The following GPR119 variants were observed in gnomAD, a reference collection of about 807,000 sequenced individuals.
GPR119 encodes glucose-dependent insulinotropic receptor.
A neutral mutation model predicts 13.3 loss-of-function variants in GPR119; 7 were observed. That is an observed-to-expected ratio of 0.53 (90% confidence interval 0.30 to 0.99). GPR119 has a LOEUF of 0.99. Ranked by LOEUF, GPR119 falls within the 50% of genes least tolerant of loss-of-function variation. The pLI is 0.06. For missense variants in GPR119, 197 were observed against 263.0 expected, an observed-to-expected ratio of 0.75 and a Z score of 1.74; for synonymous variants, 107 against 112.5, an observed-to-expected ratio of 0.95 and a Z score of 0.31.
Position 130,384,935 on chromosome X carries a change from G to A in GPR119, c.513C>T (p.Cys171=), listed in dbSNP as rs1167919969. The A allele has an allele frequency of 8.3e-7, 1 of 1,210,547 alleles. No individual in the cohort carries two copies. Among genetic ancestry groups the A allele is most frequent in the Non-Finnish European group, 1.1e-6 (1 of 895,359 alleles). ...GGAGCATGGCTGGGAAGAAGCCAAC[G>A]CAGGAGAGGGTCAGCACGAAGTGAG... ...FHPHFVLTLS[C]VGFFPAMLLF... The change falls in exon 1 of 2, where the codon TGC becomes TGT. Residue 171 remains cysteine (C), a synonymous_variant. Transcript: ENST00000682440.
chrX:130,384,436 C>T lies in GPR119; in HGVS notation c.*4G>A, dbSNP rs766863165. On this transcript the variant is annotated splice_region_variant and 3_prime_UTR_variant, in exon 1 of 2. Transcript: ENST00000682440. ...CACTTTGAAACTTCTCTGCCCTTAC[C>T]GTCTTAGCCATCAAACTCTGAGCTG... 1.0e-5 allele frequency: 12 copies of T among 1,203,753 alleles called. No homozygotes were observed. Among genetic ancestry groups the T allele is most frequent in the Admixed American group, 2.2e-5 (1 of 45,422 alleles).
At chrX:130,382,984 C>T (rs1373463528) in intron 1 of GPR119, among the ~76,000 whole-genome samples, 1 of 111,547 alleles carries the variant, frequency 9.0e-6, no homozygotes, top group Non-Finnish European at 1.9e-5. Flanking sequence ...GTACCTAATT[C>T]AGTACCAAAT....
chrX:130,384,966 A>G lies in GPR119; in HGVS notation c.482T>C (p.Phe161Ser), dbSNP rs1273670254. The stretch of plus-strand genomic sequence containing the variant: ...GAGGGTCAGCACGAAGTGAGGGTGA[A>G]ATACAGCAAAGAAGCTGCACTGCCC... ...YKGQCSFFAV[F>S]HPHFVLTLSC... The change falls in exon 1 of 2, where the codon TTT becomes TCT. Residue 161 changes from phenylalanine to serine, a missense_variant. Transcript: ENST00000682440. 1.7e-6 allele frequency: 2 copies of G among 1,210,518 alleles called. No homozygotes were observed. Among genetic ancestry groups the G allele is most frequent in the Non-Finnish European group, 1.1e-6 (1 of 895,357 alleles).
Position 130,385,064 on chromosome X carries a change from C to T in GPR119, c.384G>A (p.Gly128=), listed in dbSNP as rs1172843320. The change falls in exon 1 of 2, where the codon GGG becomes GGA. Residue 128 remains glycine, a synonymous_variant. Coordinates refer to ENST00000682440, the MANE Select transcript of GPR119 (RefSeq NM_178471.3). ...CAATGAGGTAAGACACTAACCACAG[C>T]CCGGCAATGCAGGCCCCGGCCACGA... is the stretch of plus-strand genomic sequence containing the variant. ...SGFVAGACIA[G]LWLVSYLIGF... The T allele has an allele frequency of 8.3e-7, 1 of 1,210,561 alleles. No homozygotes were observed. The highest frequency in any genetic ancestry group is 3.0e-5 in the East Asian group (1 of 33,783).
rs1157619387 is a variant in GPR119, at chrX:130,381,120, AAC to A, written c.*1434_*1435del. Among the ~76,000 whole-genome samples, 19 of 102,957 alleles carry A rather than the reference AAC, an allele frequency of 1.8e-4. No homozygotes were observed. The highest frequency in any genetic ancestry group is 6.1e-4 in the African/African-American group (17 of 27,960). The allele number at this position is 102,957 out of a possible 115,157, so 89.4% of individuals were successfully genotyped here. Reference sequence around the variant, plus strand: ...TAGCTCTGCTCTTGGTGGCTTATTAAACACAGTGTTGTTGCTGTTTTTTTTTT... The same window carrying A: ...TAGCTCTGCTCTTGGTGGCTTATTAAACAGTGTTGTTGCTGTTTTTTTTTT... On this transcript the variant is annotated 3_prime_UTR_variant, in exon 2 of 2. Coordinates refer to ENST00000682440, the MANE Select transcript of GPR119 (RefSeq NM_178471.3).
In GPR119 at chrX:130,381,583, C is replaced by T. The variant is rs1031608718; in HGVS notation, c.*973G>A. On this transcript the variant is annotated 3_prime_UTR_variant, in exon 2 of 2. Coordinates refer to ENST00000682440, the MANE Select transcript of GPR119 (RefSeq NM_178471.3). ...GTTTGTCTTTTTCAACCTGAATCACCTCTCATCACTCATTTTTAAAAATCT... is the reference window on the plus strand; with the variant it reads ...GTTTGTCTTTTTCAACCTGAATCACTTCTCATCACTCATTTTTAAAAATCT... Among the ~76,000 whole-genome samples, 2 of 111,903 alleles carry T rather than the reference C, an allele frequency of 1.8e-5. No individual in the cohort carries two copies. Among genetic ancestry groups the T allele is most frequent in the Non-Finnish European group, 3.8e-5 (2 of 53,205 alleles).
In GPR119 at chrX:130,384,829, C is replaced by CCT. The variant is rs1467302667; in HGVS notation, c.618_619insAG (p.Ala207ArgfsTer53). ...GGGGATCGATAACCTCCAGCCATGG[C>CCT]TCCTGCATGTTCCATCTTTCGAATC... On this transcript the variant is annotated frameshift_variant, in exon 1 of 2. Coordinates refer to ENST00000682440, the MANE Select transcript of GPR119 (RefSeq NM_178471.3). LOFTEE classifies it high-confidence loss of function. 5 of 1,210,586 alleles carry CCT rather than the reference C, an allele frequency of 4.1e-6. No homozygotes were observed. In the Admixed American group the frequency reaches 1.1e-4, roughly 26 times the overall value.
rs962812355 is a variant in GPR119 at position 130,379,682 on chromosome X, C to T, written c.*2874G>A. Reference sequence around the variant, plus strand: ...TTACAAGTTGTGTTTTTGAAAAAGACGACATAGGAAAATATACACAATATA... The same window carrying T: ...TTACAAGTTGTGTTTTTGAAAAAGATGACATAGGAAAATATACACAATATA... On this transcript the variant is annotated 3_prime_UTR_variant, in exon 2 of 2. Coordinates refer to ENST00000682440, the MANE Select transcript of GPR119 (RefSeq NM_178471.3). Among the ~76,000 whole-genome samples, 10 of 110,994 alleles carry T rather than the reference C, an allele frequency of 9.0e-5. No homozygotes were observed. The highest frequency in any genetic ancestry group is 8.4e-4 in the East Asian group (3 of 3,554).
At position 130,384,566 on chromosome X, in the gene GPR119, G is replaced by T. The variant is rs773527154; in HGVS notation, c.882C>A (p.Ala294=). The change falls in exon 1 of 2, where the codon GCC becomes GCA. Residue 294 remains alanine (A), a synonymous_variant. Transcript: ENST00000682440. ...KEVRLQLYHM[A]LGVKKVLTSF... Reference sequence around the variant, plus strand: ...AGGTGAGCACCTTCTTCACTCCTAGGGCCATGTGGTAGAGCTGCAGTCGCA... The same window carrying T: ...AGGTGAGCACCTTCTTCACTCCTAGTGCCATGTGGTAGAGCTGCAGTCGCA... 2.5e-6 allele frequency: 3 copies of T among 1,211,930 alleles called. No homozygotes were observed. The East Asian group carries it at 8.9e-5, about 36-fold the overall frequency.
In GPR119 at chrX:130,380,860, C is replaced by G. The variant is rs2034355246; in HGVS notation, c.*1696G>C. Reference sequence around the variant, plus strand: ...TTAAAACAAAAACACCACAAATTCACAGTAAGCTGTTCATGGAAATAATAA... The same window carrying G: ...TTAAAACAAAAACACCACAAATTCAGAGTAAGCTGTTCATGGAAATAATAA... On this transcript the variant is annotated 3_prime_UTR_variant, in exon 2 of 2. Transcript: ENST00000682440. 8.9e-6 allele frequency among the ~76,000 whole-genome samples: 1 copy of G among 112,035 alleles called. No individual in the cohort carries two copies. Among genetic ancestry groups the G allele is most frequent in the Admixed American group, 9.4e-5 (1 of 10,590 alleles).
At position 130,385,283 on chromosome X, in the gene GPR119, A is replaced by G. The variant is rs772328033; in HGVS notation, c.165T>C (p.Gly55=). 2.5e-6 allele frequency: 3 copies of G among 1,212,016 alleles called. No homozygotes were observed. Among genetic ancestry groups the G allele is most frequent in the Non-Finnish European group, 1.1e-6 (1 of 895,388 alleles). ...LNLAVADTLI[G]VAISGLLTDQ... is the part of the protein sequence containing the mutation. ...CTGTGAGTAGGCCAGAGATGGCCAC[A>G]CCAATCAAGGTGTCAGCCACAGCCA... The change falls in exon 1 of 2, where the codon GGT becomes GGC. Residue 55 remains glycine, a synonymous_variant. Coordinates refer to ENST00000682440, the MANE Select transcript of GPR119 (RefSeq NM_178471.3).
In GPR119 at chrX:130,384,994, T is replaced by C. The variant is rs761949420; in HGVS notation, c.454A>G (p.Lys152Glu). The C allele has an allele frequency of 8.3e-7, 1 of 1,211,082 alleles. No homozygotes were observed. Among genetic ancestry groups the C allele is most frequent in the Non-Finnish European group, 1.1e-6 (1 of 894,766 alleles). ...ACAGCAAAGAAGCTGCACTGCCCTT[T>C]GTAGGCAGTCTGCTGGAACATGGGG... The part of the protein sequence containing the change: ...GIPMFQQTAY[K>E]GQCSFFAVFH... Residue 152 changes from lysine (K) to glutamate (E), a missense_variant, in exon 1 of 2, where the codon AAA becomes GAA. Lys to Glu is a moderately conservative substitution (Grantham distance 56). Transcript: ENST00000682440.
In GPR119 at chrX:130,384,740, T is replaced by C. The variant is rs2034375131; in HGVS notation, c.708A>G (p.Leu236=). Residue 236 remains leucine, a synonymous_variant, in exon 1 of 2, where the codon CTA becomes CTG. Transcript: ENST00000682440. ...TVSVLIGSFA[L]SWTPFLITGI... ...CAGTGATAAGGAAGGGGGTCCAGGATAGAGCAAAGCTCCCAATGAGAACAG... is the reference window on the plus strand; with the variant it reads ...CAGTGATAAGGAAGGGGGTCCAGGACAGAGCAAAGCTCCCAATGAGAACAG... 1.7e-6 allele frequency: 2 copies of C among 1,211,543 alleles called. No individual in the cohort carries two copies. The highest frequency in any genetic ancestry group is 1.1e-6 in the Non-Finnish European group (1 of 895,441).
rs961708556 is a variant in GPR119, at chrX:130,385,593, T to C, written c.-146A>G. On this transcript the variant is annotated 5_prime_UTR_variant, in exon 1 of 2. Transcript: ENST00000682440. Reference sequence around the variant, plus strand: ...CAGTCCAGGCTGGCAGGTCGCCATCTTTGGGATCCTACAGGTCATGAAGAA... The same window carrying C: ...CAGTCCAGGCTGGCAGGTCGCCATCCTTGGGATCCTACAGGTCATGAAGAA... The C allele has an allele frequency of 2.8e-5, 15 of 534,224 alleles. No individual in the cohort carries two copies. The highest frequency in any genetic ancestry group is 4.7e-5 in the Non-Finnish European group (15 of 319,416). The allele number at this position is 534,224 out of a possible 1,213,427, so 44.0% of individuals were successfully genotyped here. A position where few individuals can be genotyped will look rare whatever the true frequency, so the allele number is the denominator to read the frequency against.
rs2124779274 is a variant in GPR119 at position 130,379,897 on chromosome X, AGCTGGG to A, written c.*2653_*2658del. ...ATACCCCTAGAAGATATCCCAGCAAAGCTGGGGCAATTTTAGCACATAGCTCTCAAT... is the reference window on the plus strand; with the variant it reads ...ATACCCCTAGAAGATATCCCAGCAAAGCAATTTTAGCACATAGCTCTCAAT... On this transcript the variant is annotated 3_prime_UTR_variant, in exon 2 of 2. Coordinates refer to ENST00000682440, the MANE Select transcript of GPR119 (RefSeq NM_178471.3). 8.9e-6 allele frequency among the ~76,000 whole-genome samples: 1 copy of A among 112,732 alleles called. No individual in the cohort carries two copies. The highest frequency in any genetic ancestry group is 3.6e-4 in the South Asian group (1 of 2,740).
rs759367657 is a variant in GPR119 at position 130,385,163 on chromosome X, C to T, written c.285G>A (p.Thr95=). Residue 95 remains threonine (T), a synonymous_variant, in exon 1 of 2, where the codon ACG becomes ACA. Transcript: ENST00000682440. The stretch of plus-strand genomic sequence containing the variant: ...ACCTGTCAAAGGTGATCAGCATGAC[C>T]GTGAGGACAGAGGCAGCTGCGGAGG... The part of the protein sequence containing the change: ...VTSSAAASVL[T]VMLITFDRYL... The T allele has an allele frequency of 3.9e-5, 47 of 1,210,604 alleles. No individual in the cohort carries two copies. Among genetic ancestry groups the T allele is most frequent in the Middle Eastern group, 2.3e-4 (1 of 4,376 alleles).
In GPR119 at chrX:130,385,043, G is replaced by T. The variant is rs201961785; in HGVS notation, c.405C>A (p.Leu135=). ...CIAGLWLVSY[L]IGFLPLGIPM... ...GGATTCCGAGTGGGAGGAAGCCAAT[G>T]AGGTAAGACACTAACCACAGCCCGG... Residue 135 remains leucine (L), a synonymous_variant, in exon 1 of 2, where the codon CTC becomes CTA. Transcript: ENST00000682440. 8.2e-5 allele frequency: 99 copies of T among 1,210,531 alleles called. No individual in the cohort carries two copies. Among genetic ancestry groups the T allele is most frequent in the Middle Eastern group, 2.3e-4 (1 of 4,374 alleles).
In GPR119 at chrX:130,384,911, G is replaced by C. The variant is rs151182359; in HGVS notation, c.537C>G (p.Leu179=). The C allele has an allele frequency of 8.3e-7, 1 of 1,212,024 alleles. No homozygotes were observed. Among genetic ancestry groups the C allele is most frequent in the Non-Finnish European group, 1.1e-6 (1 of 895,533 alleles). Residue 179 remains leucine (L), a synonymous_variant, in exon 1 of 2, where the codon CTC becomes CTG. Transcript: ENST00000682440. The stretch of plus-strand genomic sequence containing the variant: ...TGTCGCAGTAGAAGAAGACAAAGAG[G>C]AGCATGGCTGGGAAGAAGCCAACGC... ...LSCVGFFPAM[L]LFVFFYCDML...
In GPR119 at chrX:130,384,659, G is replaced by A. The variant is rs2034374456; in HGVS notation, c.789C>T (p.Tyr263=). The A allele has an allele frequency of 1.7e-6, 2 of 1,210,111 alleles. No homozygotes were observed. Among genetic ancestry groups the A allele is most frequent in the African/African-American group, 1.7e-5 (1 of 57,220 alleles). ...ECHLYLVLER[Y]LWLLGVGNSL... is the part of the protein sequence containing the mutation. The stretch of plus-strand genomic sequence containing the variant: ...AGTTGCCCACGCCGAGCAGCCACAG[G>A]TACCGTTCCAGCACTAGGTAGAGGT... The change falls in exon 1 of 2, where the codon TAC becomes TAT. Residue 263 remains tyrosine (Y), a synonymous_variant. Coordinates refer to ENST00000682440, the MANE Select transcript of GPR119 (RefSeq NM_178471.3).
Sources: gnomAD v4.1 joint callset for allele counts (sites outside exome capture counted in the v4.1 genomes callset) on GRCh38, gnomAD v4.1.1 for gene constraint, MANE v1.5 for transcripts, NCBI Gene and HGNC (gene_info 2026-07-23, HGNC 2026-07-21) for gene names.